The following LSM14B variants were observed in gnomAD, a reference collection of about 807,000 sequenced individuals.
LSM14B encodes the protein LSM family member 14B.
A neutral mutation model predicts 42.1 loss-of-function variants in LSM14B; 8 were observed. That is an observed-to-expected ratio of 0.19 (90% CI 0.11 to 0.34). The LOEUF is 0.34. LSM14B is among the 10% of genes least tolerant of loss of function. The pLI, the probability that LSM14B is intolerant of heterozygous loss-of-function variation, is 1.00. For synonymous variants in LSM14B, 219 were observed against 209.7 expected, an observed-to-expected ratio of 1.04 and a Z score of -0.38; for missense variants, 396 against 513.1, an observed-to-expected ratio of 0.77 and a Z score of 2.21.
At chr20:62,125,420 G>A (rs2056564439) in intron 2 of LSM14B, among the ~76,000 whole-genome samples, 1 of 152,228 alleles carries the variant, frequency 6.6e-6, no homozygotes, top group African/African-American at 2.4e-5. Context: ...GTTTCTGGTT[G>A]GAGAAGTCTG....
Position 62,122,804 on chromosome 20 carries a change from C to T in LSM14B, c.127+11C>T. ...TGGCGCTCGCCAAAGGTAGCGGCCG[C>T]CGCCCGCCCGAGCCCGCTGACCCCC... On this transcript the variant is annotated intron_variant, in intron 1 of 8. Transcript: ENST00000279068. This position sits in a 1 kb window ranked among gnomAD's most constrained non-coding sequence, Gnocchi z 4.6. 6.7e-7 allele frequency: 1 copy of T among 1,488,906 alleles called. No individual in the cohort carries two copies. Among genetic ancestry groups the T allele is most frequent in the Non-Finnish European group, 9.0e-7 (1 of 1,110,838 alleles). The allele number at this position is 1,488,906 out of a possible 1,614,324, so 92.2% of individuals were successfully genotyped here. A position where few individuals can be genotyped will look rare whatever the true frequency, so the allele number is the denominator to read the frequency against.
intron 7 of LSM14B, among the ~76,000 whole-genome samples, chr20:62,132,978 G>A (rs984551566): frequency 2.6e-5 from 4 of 152,120 alleles, no homozygotes; most frequent in African/African-American, 7.2e-5. Flanking sequence ...GCCTCCCCAG[G>A]GCTCCTCTCT....
In LSM14B at chr20:62,122,710, G is replaced by C; in HGVS notation, c.44G>C (p.Ser15Thr). Residue 15 changes from serine (S) to threonine (T), a missense_variant, in exon 1 of 9, where the codon AGC becomes ACC. By Grantham distance (58) the Ser-to-Thr change is moderately conservative. Coordinates refer to ENST00000279068, the MANE Select transcript of LSM14B (RefSeq NM_144703.3). The surrounding 1 kb of genome is among the most constrained non-coding windows in gnomAD (Gnocchi z 4.6). ...ACCCCGTATCTGGGCAGCAAGATCA[G>C]CCTCATCTCCAAGGCGCAGATCCGC... ...SGTPYLGSKI[S>T]LISKAQIRYE... 1 of 1,518,768 alleles carries C rather than the reference G, an allele frequency of 6.6e-7. No homozygotes were observed. The highest frequency in any genetic ancestry group is 8.9e-7 in the Non-Finnish European group (1 of 1,127,922). The allele number at this position is 1,518,768 out of a possible 1,614,324, so 94.1% of individuals were successfully genotyped here.
In LSM14B at chr20:62,135,297, A is replaced by C. The variant is rs1376797510; in HGVS notation, c.*1149A>C. On this transcript the variant is annotated 3_prime_UTR_variant, in exon 9 of 9. Coordinates refer to ENST00000279068, the MANE Select transcript of LSM14B (RefSeq NM_144703.3). ...ATTTTTGTAGGACTTAATGGCTAAG[A>C]ATTAGAACATAGCAAGGGGGCTCCT... The C allele has an allele frequency of 6.6e-6, 1 of 152,230 alleles. No individual in the cohort carries two copies. Among genetic ancestry groups the C allele is most frequent in the Non-Finnish European group, 1.5e-5 (1 of 68,044 alleles). The allele number at this position is 152,230 out of a possible 1,614,324, so 9.4% of individuals were successfully genotyped here.
intron 2 of LSM14B, 101 bp from the exon 3 acceptor site, chr20:62,126,203 A>G (rs1486185901): frequency 1.9e-6 from 3 of 1,565,726 alleles, no homozygotes; most frequent in African/African-American, 1.4e-5. Flanking sequence ...GTGCAGGCTG[A>G]TGGGACGGTG....
intron 2 of LSM14B, chr20:62,126,098 A>G (rs750737391): frequency 1.5e-5 from 10 of 665,832 alleles, no homozygotes; most frequent in Non-Finnish European, 2.1e-5. Context: ...AAGGAATTAC[A>G]TGGACAGGTG....
In LSM14B at chr20:62,129,947, C is replaced by A; in HGVS notation, c.590C>A (p.Ala197Asp). 6.2e-7 allele frequency: 1 copy of A among 1,612,530 alleles called. No individual in the cohort carries two copies. The highest frequency in any genetic ancestry group is 8.5e-7 in the Non-Finnish European group (1 of 1,179,416). ...CAGGCCCAGCCGAGCAGCAAGACGGCCAGCGGTACTTGAACACATCATTTC... is the reference window on the plus strand; with the variant it reads ...CAGGCCCAGCCGAGCAGCAAGACGGACAGCGGTACTTGAACACATCATTTC... The part of the protein sequence containing the change: ...GRQAQPSSKT[A>D]SDVVQPAAVQ... The change falls in exon 4 of 9, where the codon GCC becomes GAC. Residue 197 changes from alanine (A) to aspartate (D), a missense_variant. Transcript: ENST00000279068.
intron 1 of LSM14B, chr20:62,123,460 T>C (rs1051791773): frequency 1.4e-4 from 21 of 152,308 alleles, no homozygotes; most frequent in Admixed American, 5.2e-4. Context: ...GCTTACCTTT[T>C]GGTGACAGCC....
rs756394555 is a variant in LSM14B, at chr20:62,130,704, A to G, written c.835+13A>G. The G allele has an allele frequency of 6.2e-6, 10 of 1,611,946 alleles. No homozygotes were observed. Among genetic ancestry groups the G allele is most frequent in the Non-Finnish European group, 8.5e-6 (10 of 1,179,494 alleles). On this transcript the variant is annotated intron_variant, in intron 6 of 8. Transcript: ENST00000279068. This position sits in a 1 kb window ranked among gnomAD's most constrained non-coding sequence, Gnocchi z 4.1. ...CTGAATTTTAAAGGTTTGGCTCATTATATGAAAATTATTCTCTGCACAGGA... is the reference window on the plus strand; with the variant it reads ...CTGAATTTTAAAGGTTTGGCTCATTGTATGAAAATTATTCTCTGCACAGGA...
intron 3 of LSM14B, chr20:62,128,977 C>T (rs1211199586): frequency 7.7e-7 from 1 of 1,304,170 alleles, no homozygotes; most frequent in Non-Finnish European, 1.0e-6. Context: ...CCCACATTGT[C>T]CTGTTTAGAG....
rs1276360803 is a variant in LSM14B, at chr20:62,131,356, ATGACAAGGC to A, written c.840_848del (p.Asp280_Ala282del). On this transcript the variant is annotated inframe_deletion and splice_region_variant, in exon 7 of 9. Transcript: ENST00000279068. Reference sequence around the variant, plus strand: ...CCACGTGTTCTGCTTCTTTTTGTAGATGACAAGGCTGAGAAGGGGGAAGAGAAGGACCTG... The same window carrying A: ...CCACGTGTTCTGCTTCTTTTTGTAGATGAGAAGGGGGAAGAGAAGGACCTG... The A allele has an allele frequency of 6.3e-7, 1 of 1,586,798 alleles. No homozygotes were observed. Among genetic ancestry groups the A allele is most frequent in the Admixed American group, 1.8e-5 (1 of 56,632 alleles).
Position 62,122,534 on chromosome 20 carries a change from G to C in LSM14B, c.-133G>C. ...GCGCAGGCCCCTCGGGCGGTGGCGA[G>C]GAGGCGCCCAGGCGGAGGCGGCGGC... On this transcript the variant is annotated 5_prime_UTR_variant, in exon 1 of 9. Coordinates refer to ENST00000279068, the MANE Select transcript of LSM14B (RefSeq NM_144703.3). The surrounding 1 kb of genome is among the most constrained non-coding windows in gnomAD (Gnocchi z 4.6). 1.6e-6 allele frequency: 1 copy of C among 618,998 alleles called. No individual in the cohort carries two copies. The highest frequency in any genetic ancestry group is 2.0e-6 in the Non-Finnish European group (1 of 495,448). 38.3% of individuals were successfully genotyped at this position (618,998 alleles called of 1,614,324 possible).
At chr20:62,124,878 T>A in intron 2 of LSM14B, 98 bp downstream of exon 2, 1 of 1,187,826 alleles carries the variant, frequency 8.4e-7, no homozygotes, top group Non-Finnish European at 1.1e-6. Flanking sequence ...ATGTGAGGAA[T>A]AACCTTTTTT....
In LSM14B at chr20:62,122,908, A is replaced by C. The variant is rs1600904660; in HGVS notation, c.127+115A>C. On this transcript the variant is annotated intron_variant, in intron 1 of 8. Coordinates refer to ENST00000279068, the MANE Select transcript of LSM14B (RefSeq NM_144703.3). The surrounding 1 kb of genome is among the most constrained non-coding windows in gnomAD (Gnocchi z 4.6). Reference sequence around the variant, plus strand: ...GCCTGGCGCCCAGACCCCGCCCAGAACCCACCCAGGGCACACCCGGCCCGA... The same window carrying C: ...GCCTGGCGCCCAGACCCCGCCCAGACCCCACCCAGGGCACACCCGGCCCGA... 3 of 999,318 alleles carry C rather than the reference A, an allele frequency of 3.0e-6. No individual in the cohort carries two copies. The highest frequency in any genetic ancestry group is 3.4e-5 in the South Asian group (1 of 29,722). The allele number at this position is 999,318 out of a possible 1,614,324, so 61.9% of individuals were successfully genotyped here.
rs762077880 is a variant in LSM14B, at chr20:62,134,309, G to GA, written c.*162dup. 4.2e-6 allele frequency: 2 copies of GA among 471,818 alleles called. No individual in the cohort carries two copies. Among genetic ancestry groups the GA allele is most frequent in the Non-Finnish European group, 8.8e-6 (2 of 227,198 alleles). The allele number at this position is 471,818 out of a possible 1,614,324, so 29.2% of individuals were successfully genotyped here. A position where few individuals can be genotyped will look rare whatever the true frequency, so the allele number is the denominator to read the frequency against. Reference sequence around the variant, plus strand: ...TGTGTTTTGGACTTAACTGAACTTGGACATGGTCTGAGTTAGAACCACTTG... The same window carrying GA: ...TGTGTTTTGGACTTAACTGAACTTGGAACATGGTCTGAGTTAGAACCACTTG... On this transcript the variant is annotated 3_prime_UTR_variant, in exon 9 of 9. Transcript: ENST00000279068.
chr20:62,132,587 CAA>C (rs771398398), intron 7 of LSM14B, among the ~76,000 whole-genome samples: 31 of 152,172 alleles, frequency 2.0e-4, no homozygotes, highest in East Asian at 3.9e-4. Flanking sequence ...GCCAACATGA[CAA>C]GAGAAGAGTC....
At chr20:62,131,251 C>T (rs781442358) in intron 6 of LSM14B, 105 bp from the exon 7 acceptor site, 80 of 1,310,740 alleles carry the variant, frequency 6.1e-5, no homozygotes, top group Non-Finnish European at 7.9e-5. Flanking sequence ...TAGTTGATGT[C>T]TTAGCTTGAG....
chr20:62,134,221 T>A lies in LSM14B; in HGVS notation c.*73T>A, dbSNP rs1481402986. On this transcript the variant is annotated 3_prime_UTR_variant, in exon 9 of 9. Coordinates refer to ENST00000279068, the MANE Select transcript of LSM14B (RefSeq NM_144703.3). ...GTGTGTCAGGACGCGAGGAAAACGC[T>A]GCACTTACAGGGAGAGGTGGTCACT... The A allele has an allele frequency of 2.1e-6, 1 of 471,572 alleles. No individual in the cohort carries two copies. Among genetic ancestry groups the A allele is most frequent in the East Asian group, 6.9e-5 (1 of 14,394 alleles). 29.2% of individuals were successfully genotyped at this position (471,572 alleles called of 1,614,324 possible).
At position 62,130,331 on chromosome 20, in the gene LSM14B, C is replaced by A. The variant is rs369425076; in HGVS notation, c.673+35C>A. The A allele has an allele frequency of 1.3e-6, 2 of 1,564,646 alleles. No homozygotes were observed. Among genetic ancestry groups the A allele is most frequent in the Non-Finnish European group, 1.7e-6 (2 of 1,153,952 alleles). Reference sequence around the variant, plus strand: ...GTTGCCACTTGATTTCTGGGGACCACGAGTGATCAGGCTGAGCTCTGCTTG... The same window carrying A: ...GTTGCCACTTGATTTCTGGGGACCAAGAGTGATCAGGCTGAGCTCTGCTTG... On this transcript the variant is annotated intron_variant, in intron 5 of 8. Coordinates refer to ENST00000279068, the MANE Select transcript of LSM14B (RefSeq NM_144703.3). This position sits in a 1 kb window ranked among gnomAD's most constrained non-coding sequence, Gnocchi z 4.1.
Sources: allele counts gnomAD v4.1 joint callset (sites outside exome capture counted in the v4.1 genomes callset), GRCh38; gene constraint gnomAD v4.1.1; non-coding constraint Gnocchi (gnomAD v3.1); transcripts MANE v1.5; gene names NCBI Gene and HGNC (gene_info 2026-07-23, HGNC 2026-07-21).